BICC1: variants seen among roughly 807,000 people sequenced by gnomAD.
BICC1 encodes the protein BicC family RNA binding protein 1.
Under a neutral mutation model 111.0 loss-of-function variants are expected in BICC1, and 43 were observed. The ratio of observed to expected loss-of-function variants is 0.39; its 90% CI spans 0.30 to 0.50. The LOEUF is 0.50. Among genes scored for constraint, BICC1 ranks in the 20% least tolerant of loss-of-function variants. BICC1 has a pLI of 0.88. For missense variants in BICC1, 1,091 were observed against 1,203.2 expected (o/e 0.91, Z 1.38); for synonymous variants, 467 against 434.4 (o/e 1.07, Z -0.93).
intron 1 of BICC1, among the ~76,000 whole-genome samples, chr10:58,517,089 T>TA (rs554196393): frequency 2.0e-5 from 3 of 152,086 alleles, no homozygotes; most frequent in Non-Finnish European, 4.4e-5. Context: ...AATTATTATT[T>TA]AAAAAAAATT....
chr10:58,592,903 A>T (rs1430414621), intron 1 of BICC1, among the ~76,000 whole-genome samples: 1 of 132,108 alleles, frequency 7.6e-6, no homozygotes, highest in African/African-American at 2.8e-5. Flanking sequence ...AAAAAAAAAA[A>T]TCCTCTGCAT....
At chr10:58,583,631 T>C (rs1038162428) in intron 1 of BICC1, among the ~76,000 whole-genome samples, 22 of 146,826 alleles carry the variant, frequency 1.5e-4, no homozygotes, top group African/African-American at 4.7e-4. Flanking sequence ...TGTGTGTACA[T>C]ACACACACAT....
intron 11 of BICC1, 68 bp from the exon 12 acceptor site, chr10:58,798,988 T>C (rs1293734925): frequency 1.0e-5 from 12 of 1,195,390 alleles, no homozygotes; most frequent in Non-Finnish European, 1.2e-5. Flanking sequence ...ATATTTTTAT[T>C]GTTAATAAAA....
At chr10:58,818,187 T>A (rs1844153874) in intron 19 of BICC1, among the ~76,000 whole-genome samples, 1 of 152,204 alleles carries the variant, frequency 6.6e-6, no homozygotes, top group African/African-American at 2.4e-5. Context: ...AATATATGTT[T>A]TTTTCAACAT....
chr10:58,807,967 T>C (rs1843763394), intron 17 of BICC1, among the ~76,000 whole-genome samples: 1 of 152,124 alleles, frequency 6.6e-6, no homozygotes, highest in East Asian at 1.9e-4. Flanking sequence ...TGGTTAAGGG[T>C]TTCATAATTG....
In BICC1 at chr10:58,801,012, G is replaced by A; in HGVS notation, c.1981G>A (p.Glu661Lys). Residue 661 changes from glutamate (E) to lysine (K), a missense_variant, in exon 14 of 21, where the codon GAA (glutamate) becomes AAA (lysine). Coordinates refer to ENST00000373886, the MANE Select transcript of BICC1 (RefSeq NM_001080512.3). ...TTCCTGTGCCAAAAGGCAGACAGTG[G>A]AACTATTGCAAGGCACGAAAAACTC... ...KVSCAKRQTVELLQGTKNSHL... is the reference protein window; with the variant it reads ...KVSCAKRQTVKLLQGTKNSHL... 1 of 1,610,860 alleles carries A rather than the reference G, an allele frequency of 6.2e-7. No homozygotes were observed. Among genetic ancestry groups the A allele is most frequent in the Non-Finnish European group, 8.5e-7 (1 of 1,178,638 alleles).
At chr10:58,585,842 A>C (rs914870491) in intron 1 of BICC1, among the ~76,000 whole-genome samples, 1 of 152,206 alleles carries the variant, frequency 6.6e-6, no homozygotes, top group Admixed American at 6.5e-5. Context: ...GTGACAGATG[A>C]TGACGTACCT....
At chr10:58,647,501 T>C (rs1369555633) in intron 2 of BICC1, among the ~76,000 whole-genome samples, 1 of 152,324 alleles carries the variant, frequency 6.6e-6, no homozygotes, top group East Asian at 1.9e-4. Flanking sequence ...AAATGCTACT[T>C]ATCTGGAATC....
chr10:58,817,325 T>G (rs1163462045), intron 18 of BICC1, among the ~76,000 whole-genome samples: 1 of 152,196 alleles, frequency 6.6e-6, no homozygotes, highest in African/African-American at 2.4e-5. Context: ...GCACTGTTGC[T>G]GAATTTCTGC....
chr10:58,797,853 A>C (rs1843407489), intron 10 of BICC1, among the ~76,000 whole-genome samples: 1 of 152,152 alleles, frequency 6.6e-6, no homozygotes, highest in South Asian at 2.1e-4. Context: ...TTTCTGAGGA[A>C]ATTTTCATCA....
intron 2 of BICC1, among the ~76,000 whole-genome samples, chr10:58,663,667 C>T (rs1838917931): frequency 6.6e-6 from 1 of 152,158 alleles, no homozygotes; most frequent in Non-Finnish European, 1.5e-5. Flanking sequence ...GTTATGCACT[C>T]CTTATGAGAA....
chr10:58,763,508 G>T (rs1422002908), intron 3 of BICC1, among the ~76,000 whole-genome samples: 1 of 152,144 alleles, frequency 6.6e-6, no homozygotes, highest in Non-Finnish European at 1.5e-5. Flanking sequence ...AAGCATAGTG[G>T]TTCCTACTAA....
At chr10:58,741,157 AG>A (rs1841650734) in intron 3 of BICC1, among the ~76,000 whole-genome samples, 1 of 152,318 alleles carries the variant, frequency 6.6e-6, no homozygotes, top group African/African-American at 2.4e-5. Flanking sequence ...TCACCTGAAG[AG>A]GGCAGACGAG....
chr10:58,795,135 A>T (rs1843312023), intron 9 of BICC1, among the ~76,000 whole-genome samples: 1 of 151,948 alleles, frequency 6.6e-6, no homozygotes, highest in South Asian at 2.1e-4. Flanking sequence ...AAAAATCCGA[A>T]ATAAGAAAAT....
At chr10:58,647,230 AT>A (rs552536080) in intron 2 of BICC1, among the ~76,000 whole-genome samples, 180 of 152,280 alleles carry the variant, frequency 1.2e-3, no homozygotes, top group African/African-American at 4.0e-3. Context: ...AAAAAATATC[AT>A]TGTTTTATTT....
At chr10:58,787,463 T>G (rs1843044807) in intron 5 of BICC1, among the ~76,000 whole-genome samples, 1 of 152,214 alleles carries the variant, frequency 6.6e-6, no homozygotes, top group African/African-American at 2.4e-5. Context: ...CCAGATCACC[T>G]TCTGAGGAGC....
intron 2 of BICC1, among the ~76,000 whole-genome samples, chr10:58,631,245 A>C (rs574058946): frequency 5.9e-5 from 9 of 152,322 alleles, no homozygotes; most frequent in African/African-American, 2.2e-4. Context: ...TCTTATTGAT[A>C]GTTACGGAGA....
At chr10:58,765,094 T>C (rs1589116532) in intron 3 of BICC1, among the ~76,000 whole-genome samples, 2 of 152,120 alleles carry the variant, frequency 1.3e-5, no homozygotes, top group East Asian at 3.8e-4. Flanking sequence ...TTTGTTTTGT[T>C]TTGTTTTTGA....
chr10:58,744,197 G>T (rs1321513051), intron 3 of BICC1, among the ~76,000 whole-genome samples: 1 of 152,088 alleles, frequency 6.6e-6, no homozygotes, highest in African/African-American at 2.4e-5. Flanking sequence ...CTTGAAACAA[G>T]TATTATTTCA....
Sources: allele counts gnomAD v4.1 joint callset (sites outside exome capture counted in the v4.1 genomes callset), GRCh38; gene constraint gnomAD v4.1.1; transcripts MANE v1.5; gene names NCBI Gene and HGNC (gene_info 2026-07-23, HGNC 2026-07-21).